The following TMPRSS11E variants were observed in gnomAD, a reference collection of about 807,000 sequenced individuals.
TMPRSS11E encodes transmembrane protease serine 11E.
A neutral mutation model predicts 48.1 loss-of-function variants in TMPRSS11E; 38 were observed. That is an observed-to-expected ratio of 0.79 (90% CI 0.61 to 1.04). The LOEUF is 1.04. TMPRSS11E is among the 50% of genes least tolerant of loss of function. The probability of loss-of-function intolerance (pLI) is 0.00; values close to 1 mark genes in which losing one functional copy is unlikely to be tolerated. For synonymous variants in TMPRSS11E, 158 were observed against 171.9 expected, an observed-to-expected ratio of 0.92 and a Z score of 0.63; for missense variants, 530 against 510.8, an observed-to-expected ratio of 1.04 and a Z score of -0.36.
intron 9 of TMPRSS11E, among the ~76,000 whole-genome samples, chr4:68,485,347 A>C (rs1487883150): frequency 6.6e-6 from 1 of 152,012 alleles, no homozygotes; most frequent in Non-Finnish European, 1.5e-5. Flanking sequence ...GGGTTTTGCC[A>C]TGTTGGTCAG....
intron 2 of TMPRSS11E, 21 bp from the exon 3 acceptor site, chr4:68,466,610 G>T (rs1728932673): frequency 1.2e-6 from 2 of 1,608,702 alleles, no homozygotes; most frequent in Non-Finnish European, 1.7e-6. Context: ...TTATGATAGT[G>T]TTTTGCTTCT....
intron 2 of TMPRSS11E, among the ~76,000 whole-genome samples, chr4:68,465,482 G>C (rs764356298): frequency 6.6e-6 from 1 of 152,148 alleles, no homozygotes; most frequent in Non-Finnish European, 1.5e-5. Flanking sequence ...GAAGTAAGTG[G>C]GTACTTTGGG....
intron 9 of TMPRSS11E, among the ~76,000 whole-genome samples, chr4:68,483,294 C>T (rs1038129592): frequency 1.3e-5 from 2 of 152,070 alleles, no homozygotes; most frequent in African/African-American, 4.8e-5. Flanking sequence ...TTTTAAACAA[C>T]CAGATATCGT....
chr4:68,480,905 G>T (rs1164460574), intron 9 of TMPRSS11E, among the ~76,000 whole-genome samples: 1 of 152,100 alleles, frequency 6.6e-6, no homozygotes, highest in East Asian at 1.9e-4. Flanking sequence ...TCATCATGCA[G>T]GTAGTAAGCA....
In TMPRSS11E at chr4:68,476,382, T is replaced by G. The variant is rs766067625; in HGVS notation, c.651T>G (p.Cys217Trp). 28 of 1,614,042 alleles carry G rather than the reference T, an allele frequency of 1.7e-5. No homozygotes were observed. Among genetic ancestry groups the G allele is most frequent in the Admixed American group, 1.2e-4 (7 of 60,004 alleles). Residue 217 changes from cysteine to tryptophan, a missense_variant, in exon 7 of 10, where the codon TGT (cysteine) becomes TGG (tryptophan). By Grantham distance (215) the Cys-to-Trp change is radical. Transcript: ENST00000305363. The part of the protein sequence containing the change: ...ASLQWDGSHR[C>W]GATLINATWL... ...TGCAGTGGGATGGGAGTCATCGCTG[T>G]GGAGCAACCTTAATTAATGCCACAT...
intron 1 of TMPRSS11E, among the ~76,000 whole-genome samples, chr4:68,459,357 T>C (rs1462379488): frequency 6.6e-6 from 1 of 152,146 alleles, no homozygotes; most frequent in Non-Finnish European, 1.5e-5. Flanking sequence ...CGCTCTCTTT[T>C]TTTTAATTCA....
intron 9 of TMPRSS11E, among the ~76,000 whole-genome samples, chr4:68,480,151 A>G (rs1410224646): frequency 6.6e-6 from 1 of 152,030 alleles, no homozygotes; most frequent in African/African-American, 2.4e-5. Flanking sequence ...AGCTTTTTGA[A>G]TATGTAGATT....
chr4:68,485,629 T>C (rs1041697844), intron 9 of TMPRSS11E, among the ~76,000 whole-genome samples: 27 of 152,184 alleles, frequency 1.8e-4, no homozygotes, highest in African/African-American at 6.5e-4. Flanking sequence ...TTGTGTCTCT[T>C]CCAGGTTTTG....
intron 9 of TMPRSS11E, 65 bp downstream of exon 9, chr4:68,479,056 A>T: frequency 1.9e-6 from 3 of 1,585,148 alleles, no homozygotes; most frequent in Non-Finnish European, 2.6e-6. Flanking sequence ...AAATAATTAT[A>T]TATCTACAGG....
chr4:68,497,121 C>A lies in TMPRSS11E; in HGVS notation c.*317C>A, dbSNP rs1729894750. The A allele has an allele frequency of 9.6e-6, 2 of 207,336 alleles. No homozygotes were observed. The highest frequency in any genetic ancestry group is 5.8e-5 in the Admixed American group (1 of 17,256). 12.8% of individuals were successfully genotyped at this position (207,336 alleles called of 1,614,324 possible). A position where few individuals can be genotyped will look rare whatever the true frequency, so the allele number is the denominator to read the frequency against. On this transcript the variant is annotated 3_prime_UTR_variant, in exon 10 of 10. Coordinates refer to ENST00000305363, the MANE Select transcript of TMPRSS11E (RefSeq NM_014058.4). ...TTTTGTCAGAATTTTGACTTGTTGA[C>A]ATAAATTTGTAATGCATATATACAA...
chr4:68,478,234 C>A (rs1003138226), intron 8 of TMPRSS11E, among the ~76,000 whole-genome samples: 1 of 148,330 alleles, frequency 6.7e-6, no homozygotes, highest in African/African-American at 2.5e-5. Flanking sequence ...TGGCTCACTG[C>A]AACCTCTGCC....
Position 68,476,457 on chromosome 4 carries a change from G to T in TMPRSS11E, c.707+19G>T, listed in dbSNP as rs1266360920. The T allele has an allele frequency of 1.3e-6, 2 of 1,585,922 alleles. No homozygotes were observed. Among genetic ancestry groups the T allele is most frequent in the Non-Finnish European group, 1.7e-6 (2 of 1,164,016 alleles). On this transcript the variant is annotated intron_variant, in intron 7 of 9. Transcript: ENST00000305363. The stretch of plus-strand genomic sequence containing the variant: ...TTACAACGTAAGTCTTGAAGCTTGA[G>T]AATGATTGGGAGTGAACAAAGTGCA...
chr4:68,486,896 T>C (rs1729569233), intron 9 of TMPRSS11E, among the ~76,000 whole-genome samples: 1 of 152,194 alleles, frequency 6.6e-6, no homozygotes, highest in East Asian at 1.9e-4. Flanking sequence ...TTTGTCCTTT[T>C]TAATTATTGT....
chr4:68,449,882 T>C (rs1728446268), intron 1 of TMPRSS11E, among the ~76,000 whole-genome samples: 1 of 151,810 alleles, frequency 6.6e-6, no homozygotes, highest in African/African-American at 2.4e-5. Flanking sequence ...AGAAGAGTAC[T>C]CATTTATGCA....
At chr4:68,489,992 G>A (rs557186512) in intron 9 of TMPRSS11E, among the ~76,000 whole-genome samples, 59 of 152,282 alleles carry the variant, frequency 3.9e-4, no homozygotes, top group African/African-American at 1.2e-3. Flanking sequence ...TCTCCAGGCT[G>A]TTCTCCCTGC....
chr4:68,476,142 C>T, intron 6 of TMPRSS11E, 119 bp from the exon 7 acceptor site: 3 of 1,330,442 alleles, frequency 2.3e-6, no homozygotes, highest in Non-Finnish European at 3.2e-6. Flanking sequence ...CATGAGAAAA[C>T]ATTTGATACT....
chr4:68,461,522 G>A lies in TMPRSS11E; in HGVS notation c.12-299G>A, dbSNP rs545026031. On this transcript the variant is annotated intron_variant, in intron 1 of 9. Transcript: ENST00000305363. The stretch of plus-strand genomic sequence containing the variant: ...TTCTACATGTCAGGCATTGTTACAG[G>A]CACTTTATATGTAGTACTTCATTTA... Among the ~76,000 whole-genome samples, 32 of 152,248 alleles carry A rather than the reference G, an allele frequency of 2.1e-4. No individual in the cohort carries two copies. In the South Asian group the frequency reaches 5.0e-3, roughly 24 times the overall value.
At chr4:68,456,720 T>A (rs751029207) in intron 1 of TMPRSS11E, among the ~76,000 whole-genome samples, 3 of 152,036 alleles carry the variant, frequency 2.0e-5, no homozygotes, top group African/African-American at 4.8e-5. Context: ...TATAGACCAA[T>A]GGAACAGAAC....
chr4:68,449,997 G>T (rs192916203), intron 1 of TMPRSS11E, among the ~76,000 whole-genome samples: 40 of 151,940 alleles, frequency 2.6e-4, no homozygotes, highest in Non-Finnish European at 5.0e-4. Context: ...TAAGGAGGAT[G>T]ACTTTATATG....
Sources: allele counts gnomAD v4.1 joint callset (sites outside exome capture counted in the v4.1 genomes callset), GRCh38; gene constraint gnomAD v4.1.1; transcripts MANE v1.5; gene names NCBI Gene and HGNC (gene_info 2026-07-23, HGNC 2026-07-21).